TLE4: variants seen among roughly 807,000 people sequenced by gnomAD.
The protein encoded by TLE4 is transducin-like enhancer protein 4.
Under a neutral mutation model 92.8 loss-of-function variants are expected in TLE4, and 8 were observed. That is an observed-to-expected ratio of 0.09 (90% CI 0.05 to 0.16). TLE4 has a LOEUF of 0.16. Ranked by LOEUF, TLE4 falls within the 10% of genes least tolerant of loss-of-function variation. TLE4 has a pLI of 1.00. For synonymous variants in TLE4, 371 were observed against 374.1 expected (o/e 0.99, Z 0.10); for missense variants, 675 against 997.6 (o/e 0.68, Z 4.36).
intron 6 of TLE4, among the ~76,000 whole-genome samples, chr9:79,638,028 G>T (rs561740371): frequency 2.0e-5 from 3 of 152,102 alleles, no homozygotes; most frequent in South Asian, 2.1e-4. Context: ...ATATTTGCCC[G>T]TAGCAGCGTG....
At chr9:79,670,337 A>G (rs1486744244) in intron 8 of TLE4, among the ~76,000 whole-genome samples, 1 of 152,216 alleles carries the variant, frequency 6.6e-6, no homozygotes, top group East Asian at 1.9e-4. Flanking sequence ...CAAAAGCACA[A>G]CAAAAGGCTC....
At chr9:79,696,841 A>C (rs1477025317) in intron 8 of TLE4, among the ~76,000 whole-genome samples, 1 of 152,166 alleles carries the variant, frequency 6.6e-6, no homozygotes, top group Admixed American at 6.5e-5. Context: ...ATTTTCATTC[A>C]AAAACAGAGC....
At chr9:79,606,532 C>T (rs2047023687) in intron 4 of TLE4, among the ~76,000 whole-genome samples, 1 of 151,876 alleles carries the variant, frequency 6.6e-6, no homozygotes, top group Non-Finnish European at 1.5e-5. Flanking sequence ...CCCCAGTCCC[C>T]CACTCCCCAA....
In TLE4 at chr9:79,720,040, C is replaced by G. The variant is rs1441113832; in HGVS notation, c.1591-6C>G. 26 of 1,600,726 alleles carry G rather than the reference C, an allele frequency of 1.6e-5. No individual in the cohort carries two copies. Among genetic ancestry groups the G allele is most frequent in the Admixed American group, 6.7e-5 (4 of 59,450 alleles). On this transcript the variant is annotated splice_region_variant and splice_polypyrimidine_tract_variant and intron_variant, in intron 15 of 19. Coordinates refer to ENST00000376552, the MANE Select transcript of TLE4 (RefSeq NM_007005.6). ...AGTAATCTCTTGATGGTTTTTGTCT[C>G]TACAGAACAGGGATAACTACATCCG...
intron 1 of TLE4, chr9:79,573,410 C>T: frequency 8.3e-7 from 1 of 1,204,420 alleles, no homozygotes; most frequent in Non-Finnish European, 1.1e-6. Context: ...TCCCTGGGTG[C>T]CTGTCTTTGG....
chr9:79,681,180 T>A (rs1221767562), intron 8 of TLE4, among the ~76,000 whole-genome samples: 1 of 152,156 alleles, frequency 6.6e-6, no homozygotes, highest in East Asian at 1.9e-4. Context: ...CACCAAAATA[T>A]TTGGACTAGG....
At chr9:79,717,057 C>T (rs1357333518) in intron 14 of TLE4, among the ~76,000 whole-genome samples, 1 of 152,168 alleles carries the variant, frequency 6.6e-6, no homozygotes, top group East Asian at 1.9e-4. Flanking sequence ...TGTCCACATT[C>T]TTTGGGATTC....
rs150121086 is a variant in TLE4 at position 79,649,668 on chromosome 9, A to C, written c.391-2925A>C. 44 of 433,788 alleles carry C rather than the reference A, an allele frequency of 1.0e-4. 1 individual carries two copies. In the East Asian group the frequency reaches 4.1e-3, roughly 40 times the overall value. The allele number at this position is 433,788 out of a possible 1,614,324, so 26.9% of individuals were successfully genotyped here. ...GATTAGCATACAAGAGGAAGAGAAGAAGCTCATTTTAGAACTGTTCTGAGA... is the reference window on the plus strand; with the variant it reads ...GATTAGCATACAAGAGGAAGAGAAGCAGCTCATTTTAGAACTGTTCTGAGA... On this transcript the variant is annotated intron_variant, in intron 6 of 19. Coordinates refer to ENST00000376552, the MANE Select transcript of TLE4 (RefSeq NM_007005.6).
chr9:79,688,003 G>A (rs1282571648), intron 8 of TLE4, among the ~76,000 whole-genome samples: 1 of 152,126 alleles, frequency 6.6e-6, no homozygotes, highest in African/African-American at 2.4e-5. Context: ...TTTTTGAGTA[G>A]CAAGAGGCTA....
chr9:79,674,797 C>A (rs569784379), intron 8 of TLE4, among the ~76,000 whole-genome samples: 10 of 152,058 alleles, frequency 6.6e-5, no homozygotes, highest in African/African-American at 2.4e-4. Flanking sequence ...CAGTCCCGTG[C>A]GTGTTTTTGT....
At chr9:79,586,392 A>C in intron 4 of TLE4, among the ~76,000 whole-genome samples, 1 of 151,964 alleles carries the variant, frequency 6.6e-6, no homozygotes, top group Non-Finnish European at 1.5e-5. Flanking sequence ...AAATTGTGTG[A>C]CTTCTGAAAT....
At chr9:79,710,007 G>A (rs980533241) in intron 14 of TLE4, among the ~76,000 whole-genome samples, 1 of 152,202 alleles carries the variant, frequency 6.6e-6, no homozygotes, top group Non-Finnish European at 1.5e-5. Context: ...ATTATTATGT[G>A]CAAACCTGAA....
intron 8 of TLE4, among the ~76,000 whole-genome samples, chr9:79,688,641 A>C (rs1317651850): frequency 6.6e-6 from 1 of 151,638 alleles, no homozygotes; most frequent in African/African-American, 2.4e-5. Context: ...TGATGTTTAT[A>C]CGATATTCTT....
chr9:79,709,100 T>C (rs2072547407), intron 13 of TLE4, among the ~76,000 whole-genome samples: 1 of 152,210 alleles, frequency 6.6e-6, no homozygotes, highest in Admixed American at 6.5e-5. Flanking sequence ...CCCAAATTGC[T>C]AGGATTACAA....
intron 16 of TLE4, 112 bp from the exon 17 acceptor site, chr9:79,721,629 A>G: frequency 6.7e-7 from 1 of 1,491,094 alleles, no homozygotes; most frequent in East Asian, 2.4e-5. Flanking sequence ...ATAAACCAAA[A>G]TGAAATCTAC....
At chr9:79,624,233 T>A (rs1032897356) in intron 5 of TLE4, among the ~76,000 whole-genome samples, 1 of 151,940 alleles carries the variant, frequency 6.6e-6, no homozygotes, top group Non-Finnish European at 1.5e-5. Flanking sequence ...TTGGGCTTCC[T>A]TGCATGTTCA....
At chr9:79,713,347 T>G (rs145407913) in intron 14 of TLE4, among the ~76,000 whole-genome samples, 4 of 152,360 alleles carry the variant, frequency 2.6e-5, no homozygotes, top group Non-Finnish European at 4.4e-5. Context: ...CTGGATTGTT[T>G]AAAGTGTAGT....
chr9:79,702,165 A>G (rs2070115808), intron 8 of TLE4, among the ~76,000 whole-genome samples: 1 of 152,244 alleles, frequency 6.6e-6, no homozygotes, highest in Non-Finnish European at 1.5e-5. Flanking sequence ...GTGCTGATGT[A>G]GGATACAAGG....
chr9:79,669,147 A>G (rs1423543930), intron 8 of TLE4, among the ~76,000 whole-genome samples: 1 of 152,152 alleles, frequency 6.6e-6, no homozygotes, highest in African/African-American at 2.4e-5. Flanking sequence ...CTCCAAATGA[A>G]AGTTCCCCTT....
Sources: allele counts gnomAD v4.1 joint callset (sites outside exome capture counted in the v4.1 genomes callset), GRCh38; gene constraint gnomAD v4.1.1; transcripts MANE v1.5; gene names NCBI Gene and HGNC (gene_info 2026-07-23, HGNC 2026-07-21).